The following MCF2L2 variants were observed in gnomAD, a reference collection of about 807,000 sequenced individuals.
MCF2L2 encodes the protein probable guanine nucleotide exchange factor MCF2L2.
MCF2L2 carries 102 observed loss-of-function variants against 150.2 expected under a neutral mutation model. The observed-to-expected ratio is 0.68, with a 90% CI of 0.58 to 0.80. MCF2L2 has a LOEUF of 0.80. Among genes scored for constraint, MCF2L2 ranks in the 30% least tolerant of loss-of-function variants. MCF2L2 has a pLI of 0.00. For missense variants in MCF2L2, 1,256 were observed against 1,372.8 expected (o/e 0.91, Z 1.34); for synonymous variants, 465 against 491.3 (o/e 0.95, Z 0.71).
intron 6 of MCF2L2, among the ~76,000 whole-genome samples, chr3:183,321,437 C>CAAAAAAAAAA (rs754945400): frequency 1.1e-5 from 1 of 87,240 alleles, no homozygotes; most frequent in Non-Finnish European, 2.4e-5. Flanking sequence ...GACTCTGTCT[C>CAAAAAAAAAA]AAAAAAAAAA....
At chr3:183,409,566 T>C (rs1715218303) in intron 1 of MCF2L2, among the ~76,000 whole-genome samples, 1 of 150,780 alleles carries the variant, frequency 6.6e-6, no homozygotes, top group Admixed American at 6.6e-5. Context: ...TTTTTTTTTT[T>C]TTTTTGAGAT....
chr3:183,374,807 C>G (rs1713100181), intron 3 of MCF2L2: 2 of 152,224 alleles, frequency 1.3e-5, no homozygotes, highest in South Asian at 4.1e-4. Flanking sequence ...CAACACTATC[C>G]TTTTCTCTCT....
rs1232215307 is a variant in MCF2L2, at chr3:183,179,339, G to A, written c.*41C>T. On this transcript the variant is annotated 3_prime_UTR_variant, in exon 30 of 30. Transcript: ENST00000328913. This position sits in a 1 kb window ranked among gnomAD's most constrained non-coding sequence, Gnocchi z 4.2. ...CCCACACCGCCTCTCCCGGGAATGC[G>A]GGCGCTCTGGAGCCGAGGAGCGGGG... 8 of 1,392,708 alleles carry A rather than the reference G, an allele frequency of 5.7e-6. No homozygotes were observed. The Admixed American group carries it at 2.4e-4, about 43-fold the overall frequency. 86.3% of individuals were successfully genotyped at this position (1,392,708 alleles called of 1,614,324 possible). A position where few individuals can be genotyped will look rare whatever the true frequency, so the allele number is the denominator to read the frequency against.
intron 2 of MCF2L2, among the ~76,000 whole-genome samples, chr3:183,387,928 T>G (rs1713924680): frequency 1.4e-5 from 1 of 70,404 alleles, no homozygotes; most frequent in South Asian, 6.1e-4. Flanking sequence ...CAAGACTCCA[T>G]CTCAAAAAAA....
chr3:183,254,291 C>T (rs1724815083), intron 15 of MCF2L2: 1 of 151,772 alleles, frequency 6.6e-6, no homozygotes, highest in Middle Eastern at 3.2e-3. Context: ...GGATCGGGGC[C>T]CGCCGCCCTG....
intron 15 of MCF2L2, among the ~76,000 whole-genome samples, chr3:183,262,335 C>T (rs1469275218): frequency 6.6e-6 from 1 of 151,962 alleles, no homozygotes; most frequent in Non-Finnish European, 1.5e-5. Context: ...CCAGCAGGCC[C>T]CAGTCAGCAG....
chr3:183,281,457 T>A (rs1342967726), intron 14 of MCF2L2, among the ~76,000 whole-genome samples: 3 of 151,746 alleles, frequency 2.0e-5, no homozygotes, highest in Non-Finnish European at 4.4e-5. Flanking sequence ...ATGGTTTGTC[T>A]GCCCTATTTG....
At position 183,188,520 on chromosome 3, in the gene MCF2L2, G is replaced by A. The variant is rs143179184; in HGVS notation, c.3016+4479C>T. Among the ~76,000 whole-genome samples the A allele has an allele frequency of 1.8e-3, 272 of 152,174 alleles. 1 individual carries two copies. Among genetic ancestry groups the A allele is most frequent in the African/African-American group, 6.4e-3 (265 of 41,514 alleles). ...TCCTGAGGGACAGCACTCCATCCCC[G>A]CAGTGCCATGTCCAAACTGCTGCCC... On this transcript the variant is annotated intron_variant, in intron 27 of 29. Transcript: ENST00000328913.
intron 20 of MCF2L2, among the ~76,000 whole-genome samples, chr3:183,222,463 T>C (rs894151622): frequency 9.2e-5 from 14 of 151,962 alleles, no homozygotes; most frequent in African/African-American, 3.4e-4. Flanking sequence ...GGCAGGAGAA[T>C]TGCTTGAACC....
intron 1 of MCF2L2, among the ~76,000 whole-genome samples, chr3:183,415,004 C>T (rs1042412692): frequency 6.6e-6 from 1 of 152,144 alleles, no homozygotes; most frequent in Non-Finnish European, 1.5e-5. Flanking sequence ...TTCCTTGGAA[C>T]ACTTGAGAAT....
intron 12 of MCF2L2, among the ~76,000 whole-genome samples, chr3:183,295,921 G>A (rs1191222089): frequency 3.3e-5 from 5 of 152,134 alleles, no homozygotes; most frequent in African/African-American, 1.2e-4. Context: ...TCATGCCACT[G>A]CACTCCAGCC....
chr3:183,387,763 T>C (rs1577113827), intron 2 of MCF2L2, among the ~76,000 whole-genome samples: 1 of 151,922 alleles, frequency 6.6e-6, no homozygotes, highest in East Asian at 1.9e-4. Context: ...TGAAAGCCCA[T>C]CTCTACAAAA....
chr3:183,300,065 T>C lies in MCF2L2; in HGVS notation c.1245A>G (p.Gly415=). 1 of 1,613,840 alleles carries C rather than the reference T, an allele frequency of 6.2e-7. No homozygotes were observed. Among genetic ancestry groups the C allele is most frequent in the Admixed American group, 1.7e-5 (1 of 59,934 alleles). The change falls in exon 11 of 30, where the codon GGA becomes GGG. Residue 415 remains glycine (G), a synonymous_variant. Coordinates refer to ENST00000328913, the MANE Select transcript of MCF2L2 (RefSeq NM_015078.4). The part of the protein sequence containing the change: ...LRHLCDDFIN[G]NKKKWDILGK... ...CTAAAATGTCCCATTTTTTCTTGTT[T>C]CCATTGATGAAATCGTCACAGAGGT...
At chr3:183,239,576 A>C (rs934696751) in intron 15 of MCF2L2, among the ~76,000 whole-genome samples, 212 of 108,922 alleles carry the variant, frequency 1.9e-3, no homozygotes, top group Middle Eastern at 4.0e-3. Context: ...TGCCCCTGTC[A>C]CCCCCCCTTC....
chr3:183,326,492 CAAAAAAAAAAAAAAAAAA>C (rs890481068), intron 5 of MCF2L2, among the ~76,000 whole-genome samples: 4 of 39,434 alleles, frequency 1.0e-4, no homozygotes, highest in Admixed American at 3.7e-4. Context: ...AACTCCGTCT[CAAAAAAAAAAAAAAAAAA>C]AAAAAACAAA....
intron 10 of MCF2L2, 109 bp from the exon 11 acceptor site, chr3:183,300,305 A>C: frequency 2.0e-6 from 2 of 985,718 alleles, no homozygotes; most frequent in Non-Finnish European, 2.9e-6. Context: ...GGAGATGCTA[A>C]CCCAGGATGA....
intron 1 of MCF2L2, among the ~76,000 whole-genome samples, chr3:183,395,789 G>T (rs889036518): frequency 6.6e-6 from 1 of 151,772 alleles, no homozygotes; most frequent in African/African-American, 2.4e-5. Context: ...GTCGTGGCAC[G>T]TGCGTGTAAT....
At chr3:183,376,045 G>A (rs1170749094) in intron 3 of MCF2L2, 1 of 151,816 alleles carries the variant, frequency 6.6e-6, no homozygotes, top group Non-Finnish European at 1.5e-5. Flanking sequence ...AAGGCGAGGG[G>A]AAGAACTGGC....
chr3:183,180,301 C>A (rs1721474440), intron 27 of MCF2L2, 142 bp from the exon 28 acceptor site: 2 of 638,200 alleles, frequency 3.1e-6, no homozygotes, highest in Non-Finnish European at 5.6e-6. Context: ...GCCTGCACTG[C>A]GCTGGGCTGT....
Sources: gnomAD v4.1 joint callset for allele counts (sites outside exome capture counted in the v4.1 genomes callset) on GRCh38, gnomAD v4.1.1 for gene constraint, Gnocchi (gnomAD v3.1) non-coding constraint, MANE v1.5 for transcripts, NCBI Gene and HGNC (gene_info 2026-07-23, HGNC 2026-07-21) for gene names.